Variants in FAHD2B observed in about 807,000 individuals in gnomAD.
FAHD2B encodes the protein fumarylacetoacetate hydrolase domain containing 2B.
In FAHD2B, 26 loss-of-function variants were observed where a neutral mutation model predicts 33.7. The observed-to-expected ratio is 0.77, with a 90% CI of 0.57 to 1.07. FAHD2B has a LOEUF of 1.07. FAHD2B is among the 50% of genes least tolerant of loss of function. FAHD2B has a pLI of 0.00. For synonymous variants in FAHD2B, 108 were observed against 150.9 expected (o/e 0.72, Z 2.08); for missense variants, 272 against 388.1 (o/e 0.70, Z 2.51).
chr2:97,082,719 G>A (rs2031696882), downstream of FAHD2B: 3 of 1,588,538 alleles, frequency 1.9e-6, no homozygotes, highest in Non-Finnish European at 2.6e-6. Flanking sequence ...CGGACCCAAA[G>A]CTTGCCATCA....
At chr2:97,082,722 T>C (rs888115926), downstream of FAHD2B, 5 of 1,585,090 alleles carry the variant, frequency 3.2e-6, no homozygotes, top group African/African-American at 2.7e-5. Flanking sequence ...ACCCAAAGCT[T>C]GCCATCAGTG....
chr2:97,093,475 T>TC (rs1461207124), intron 1 of FAHD2B, among the ~76,000 whole-genome samples: 1 of 143,496 alleles, frequency 7.0e-6, no homozygotes, highest in African/African-American at 2.6e-5. Flanking sequence ...TTAATTCTTT[T>TC]TTTTTTTTTT....
chr2:97,088,856 A>G (rs537450351), intron 4 of FAHD2B, among the ~76,000 whole-genome samples: 1 of 152,128 alleles, frequency 6.6e-6, no homozygotes, highest in Admixed American at 6.6e-5. Flanking sequence ...TAAAGTGTCT[A>G]TTTCAGTTTT....
chr2:97,085,592 G>A (rs1389109172), intron 6 of FAHD2B, 107 bp downstream of exon 6: 2 of 1,511,560 alleles, frequency 1.3e-6, no homozygotes, highest in African/African-American at 2.8e-5. Flanking sequence ...CAGTCAAAGG[G>A]CAGCCAGGGA....
At chr2:97,081,498 C>A (rs1404534673), downstream of FAHD2B, 29 of 1,578,432 alleles carry the variant, frequency 1.8e-5, no homozygotes, top group Non-Finnish European at 2.4e-5. Flanking sequence ...CCAATGCGGG[C>A]TCCTGGTTGC....
intron 4 of FAHD2B, chr2:97,087,086 C>G (rs2032036612): frequency 6.6e-6 from 1 of 151,840 alleles, no homozygotes; most frequent in Admixed American, 6.6e-5. Context: ...GAGTCTCACT[C>G]TGTTGCCCAG....
At chr2:97,082,005 T>G (rs902315452), downstream of FAHD2B, 1 of 1,537,318 alleles carries the variant, frequency 6.5e-7, no homozygotes, top group Non-Finnish European at 8.9e-7. Flanking sequence ...GGCCAGCCTG[T>G]GACACAGGGC....
chr2:97,082,605 A>T, downstream of FAHD2B: 3 of 1,570,206 alleles, frequency 1.9e-6, no homozygotes, highest in South Asian at 3.4e-5. Flanking sequence ...TCTGAGTTCT[A>T]TCCCTCCCGG....
intron 1 of FAHD2B, among the ~76,000 whole-genome samples, chr2:97,094,290 A>G (rs1302249538): frequency 2.0e-5 from 3 of 151,234 alleles, no homozygotes; most frequent in Non-Finnish European, 4.4e-5. Context: ...CCTCAGGTAA[A>G]GCGCCCTCAC....
At chr2:97,089,520 A>C (rs2032200970) in intron 4 of FAHD2B, among the ~76,000 whole-genome samples, 2 of 140,180 alleles carry the variant, frequency 1.4e-5, no homozygotes, top group Non-Finnish European at 1.6e-5. Context: ...TCTGTCTCAA[A>C]AAAAAAAAAA....
intron 4 of FAHD2B, 87 bp downstream of exon 4, chr2:97,090,022 G>C (rs2032235766): frequency 6.6e-7 from 1 of 1,525,498 alleles, no homozygotes; most frequent in Non-Finnish European, 9.0e-7. Context: ...TACTGAGCGA[G>C]AGGTGGCTCC....
intron 1 of FAHD2B, among the ~76,000 whole-genome samples, chr2:97,092,214 T>C (rs1328358165): frequency 1.3e-5 from 2 of 152,126 alleles, no homozygotes; most frequent in East Asian, 3.8e-4. Context: ...CATGGGCAAG[T>C]GACGCTGGTG....
At position 97,090,231 on chromosome 2, in the gene FAHD2B, T is replaced by A. The variant is rs1417724205; in HGVS notation, c.340A>T (p.Asn114Tyr). ...WPDKVVCVGM[N>Y]YVDHCKEQNV... Reference sequence around the variant, plus strand: ...TGTTCTTTGCAGTGGTCCACATAATTCATGCCCACACACACCACCTTATCT... The same window carrying A: ...TGTTCTTTGCAGTGGTCCACATAATACATGCCCACACACACCACCTTATCT... The change falls in exon 4 of 9, where the codon AAT becomes TAT. Residue 114 changes from asparagine to tyrosine, a missense_variant. Asn to Tyr is a moderately radical substitution (Grantham distance 143, BLOSUM62 -2). Coordinates refer to ENST00000414820, the MANE Select transcript of FAHD2B (RefSeq NM_001320848.2). 12 of 1,609,692 alleles carry A rather than the reference T, an allele frequency of 7.5e-6. No individual in the cohort carries two copies. Among genetic ancestry groups the A allele is most frequent in the Non-Finnish European group, 9.3e-6 (11 of 1,178,214 alleles).
chr2:97,081,896 C>G (rs1466711616), downstream of FAHD2B: 1 of 589,706 alleles, frequency 1.7e-6, no homozygotes. Context: ...CCTCTTGGGT[C>G]TCTAGGTCTG....
chr2:97,084,056 C>T, intron 7 of FAHD2B, 21 bp from the exon 8 acceptor site: 1 of 1,610,574 alleles, frequency 6.2e-7, no homozygotes, highest in South Asian at 1.1e-5. Context: ...GCAAAAGGAC[C>T]CAGTGAGACC....
chr2:97,090,061 C>T (rs1171266981), intron 4 of FAHD2B, 48 bp downstream of exon 4: 4 of 1,487,808 alleles, frequency 2.7e-6, no homozygotes, highest in Non-Finnish European at 3.7e-6. Flanking sequence ...CTCAGAATGC[C>T]CTTGTGATGG....
intron 5 of FAHD2B, 120 bp from the exon 6 acceptor site, chr2:97,085,981 T>A: frequency 6.9e-7 from 1 of 1,452,234 alleles, no homozygotes; most frequent in Admixed American, 1.9e-5. Context: ...CAAAGGTGGG[T>A]GAAGGGAAAG....
intron 4 of FAHD2B, 144 bp from the exon 5 acceptor site, chr2:97,086,342 T>C (rs530367242): frequency 2.3e-5 from 28 of 1,196,412 alleles, no homozygotes; most frequent in Admixed American, 4.4e-5. Context: ...GCCCAGTGAA[T>C]GACAAGGGAG....
In FAHD2B at chr2:97,085,858, T is replaced by C. The variant is rs2031948501; in HGVS notation, c.526A>G (p.Thr176Ala). Reference sequence around the variant, plus strand: ...CCGGCCACGTGGGCCATGGCATCTGTGGCCTATGGGGGCAGGGGATTTGGC... The same window carrying C: ...CCGGCCACGTGGGCCATGGCATCTGCGGCCTATGGGGGCAGGGGATTTGGC... The part of the protein sequence containing the change: ...IGKKGKHIKA[T>A]DAMAHVAGFT... Residue 176 changes from threonine to alanine, a missense_variant, in exon 6 of 9, where the codon ACA becomes GCA. By Grantham distance (58) the Thr-to-Ala change is moderately conservative. Transcript: ENST00000414820. 1 of 1,613,828 alleles carries C rather than the reference T, an allele frequency of 6.2e-7. No individual in the cohort carries two copies. Among genetic ancestry groups the C allele is most frequent in the African/African-American group, 1.3e-5 (1 of 75,052 alleles).
Sources: allele counts gnomAD v4.1 joint callset (sites outside exome capture counted in the v4.1 genomes callset), GRCh38; gene constraint gnomAD v4.1.1; transcripts MANE v1.5; gene names NCBI Gene and HGNC (gene_info 2026-07-23, HGNC 2026-07-21).